The following STAU2 variants were observed in gnomAD, a reference collection of about 807,000 sequenced individuals.
The protein encoded by STAU2 is double-stranded RNA-binding protein Staufen homolog 2.
Under a neutral mutation model 65.9 loss-of-function variants are expected in STAU2, and 20 were observed. That is an observed-to-expected ratio of 0.30 (90% CI 0.21 to 0.44). The LOEUF is 0.44. Among genes scored for constraint, STAU2 ranks in the 20% least tolerant of loss-of-function variants. The probability of loss-of-function intolerance (pLI) is 1.00; values close to 1 mark genes in which losing one functional copy is unlikely to be tolerated. For synonymous variants in STAU2, 232 were observed against 233.9 expected (o/e 0.99, Z 0.07); for missense variants, 558 against 683.9 (o/e 0.82, Z 2.05).
At chr8:73,463,184 C>T (rs1819465486) in intron 13 of STAU2, among the ~76,000 whole-genome samples, 1 of 152,208 alleles carries the variant, frequency 6.6e-6, no homozygotes, top group Admixed American at 6.5e-5. Context: ...TTTTATCTGA[C>T]TTTGTACCTT....
chr8:73,628,300 G>A (rs1433396567), intron 6 of STAU2, among the ~76,000 whole-genome samples: 1 of 150,792 alleles, frequency 6.6e-6, no homozygotes, highest in Non-Finnish European at 1.5e-5. Context: ...TTGAATTCCT[G>A]GGCTAAAGCA....
intron 12 of STAU2, among the ~76,000 whole-genome samples, chr8:73,578,824 A>G (rs1809771998): frequency 6.6e-6 from 1 of 152,178 alleles, no homozygotes; most frequent in Admixed American, 6.5e-5. Flanking sequence ...ATTGGCTCCA[A>G]CTGTTTTAAC....
chr8:73,458,436 CAAGA>C (rs1819182734), intron 13 of STAU2, among the ~76,000 whole-genome samples: 1 of 152,128 alleles, frequency 6.6e-6, no homozygotes, highest in East Asian at 1.9e-4. Flanking sequence ...TTTACAGAAA[CAAGA>C]AAGAAAGAGA....
At chr8:73,630,256 T>A (rs1444744244) in intron 6 of STAU2, among the ~76,000 whole-genome samples, 1 of 152,268 alleles carries the variant, frequency 6.6e-6, no homozygotes, top group Admixed American at 6.5e-5. Context: ...TGCTTTTACA[T>A]CGGTTAGTCA....
rs894299377 is a variant in STAU2, at chr8:73,738,358, C to T, written c.-83-9G>A. On this transcript the variant is annotated splice_polypyrimidine_tract_variant and intron_variant, in intron 2 of 14. Transcript: ENST00000524300. ...CCTCACGGCTCCAAAAACTGGAAAA[C>T]GAAAATGAAGAAATAAAGTTCAACT... The T allele has an allele frequency of 1.4e-5, 22 of 1,579,234 alleles. No individual in the cohort carries two copies. Among genetic ancestry groups the T allele is most frequent in the South Asian group, 3.5e-5 (3 of 84,926 alleles).
chr8:73,543,783 T>C (rs1290696953), intron 13 of STAU2, among the ~76,000 whole-genome samples: 1 of 152,198 alleles, frequency 6.6e-6, no homozygotes, highest in East Asian at 1.9e-4. Context: ...CCTTACATGT[T>C]AGTATGCTTC....
intron 13 of STAU2, among the ~76,000 whole-genome samples, chr8:73,464,115 C>T (rs759403324): frequency 8.5e-5 from 13 of 152,084 alleles, no homozygotes; most frequent in Admixed American, 6.5e-5. Flanking sequence ...TAAACTTTTC[C>T]GGGATATTGC....
At chr8:73,617,855 C>T (rs112237978) in intron 6 of STAU2, among the ~76,000 whole-genome samples, 2,770 of 152,064 alleles carry the variant, frequency 0.018, 74 homozygotes, top group African/African-American at 0.06. Context: ...AAGATAATTA[C>T]GATTAGAAAT....
intron 12 of STAU2, among the ~76,000 whole-genome samples, chr8:73,561,787 T>C (rs537335062): frequency 6.6e-6 from 1 of 152,358 alleles, no homozygotes; most frequent in South Asian, 2.1e-4. Context: ...GAGTCCTTAC[T>C]AGATATCAGG....
chr8:73,444,311 C>G (rs917806572), intron 13 of STAU2, among the ~76,000 whole-genome samples: 4 of 150,906 alleles, frequency 2.7e-5, no homozygotes, highest in African/African-American at 4.9e-5. Context: ...GAGGTGGAGG[C>G]AGGAGAATCG....
intron 6 of STAU2, chr8:73,651,637 C>A: frequency 1.7e-6 from 1 of 581,426 alleles, no homozygotes; most frequent in Non-Finnish European, 3.1e-6. Flanking sequence ...GCAAGTGGAA[C>A]AAGAGGCCCT....
chr8:73,554,621 C>T (rs924722194), intron 12 of STAU2, among the ~76,000 whole-genome samples: 8 of 152,260 alleles, frequency 5.3e-5, no homozygotes, highest in Middle Eastern at 3.4e-3. Flanking sequence ...CATGCTCACC[C>T]GGCATACAGG....
chr8:73,521,873 T>C (rs1823061549), intron 13 of STAU2, among the ~76,000 whole-genome samples: 1 of 152,234 alleles, frequency 6.6e-6, no homozygotes, highest in African/African-American at 2.4e-5. Flanking sequence ...TCATTTACTC[T>C]ATGTGGTAAT....
intron 13 of STAU2, among the ~76,000 whole-genome samples, chr8:73,508,445 T>C (rs933639224): frequency 2.6e-5 from 4 of 152,148 alleles, no homozygotes; most frequent in African/African-American, 9.7e-5. Flanking sequence ...CCATCTTATA[T>C]GGGCATGATT....
intron 13 of STAU2, among the ~76,000 whole-genome samples, chr8:73,521,717 A>G (rs1195423009): frequency 6.6e-6 from 1 of 152,232 alleles, no homozygotes; most frequent in African/African-American, 2.4e-5. Context: ...CAGCCACTTG[A>G]TCATGAGGAA....
At chr8:73,638,908 C>A (rs1179094342) in intron 6 of STAU2, among the ~76,000 whole-genome samples, 1 of 150,236 alleles carries the variant, frequency 6.7e-6, no homozygotes, top group African/African-American at 2.4e-5. Flanking sequence ...GTAAGCAATA[C>A]CAGTCAGTGT....
intron 13 of STAU2, among the ~76,000 whole-genome samples, chr8:73,427,899 A>T (rs561729897): frequency 6.6e-6 from 1 of 152,360 alleles, no homozygotes; most frequent in East Asian, 1.9e-4. Context: ...AATTTCTTCC[A>T]AAGTGGACAA....
chr8:73,685,466 T>A (rs1487060157), intron 5 of STAU2, among the ~76,000 whole-genome samples: 1 of 150,314 alleles, frequency 6.7e-6, no homozygotes, highest in Non-Finnish European at 1.5e-5. Context: ...AACCTCCGCC[T>A]CCCGGGTTCA....
At chr8:73,612,589 G>A (rs1424444231) in intron 9 of STAU2, among the ~76,000 whole-genome samples, 4 of 152,042 alleles carry the variant, frequency 2.6e-5, no homozygotes, top group Non-Finnish European at 5.9e-5. Context: ...CCAGTTCAGG[G>A]AATGCATTAC....
Sources: allele counts gnomAD v4.1 joint callset (sites outside exome capture counted in the v4.1 genomes callset), GRCh38; gene constraint gnomAD v4.1.1; transcripts MANE v1.5; gene names NCBI Gene and HGNC (gene_info 2026-07-23, HGNC 2026-07-21).